Variants in PLCL1 observed in about 807,000 individuals in gnomAD.
The protein encoded by PLCL1 is inactive phospholipase C-like protein 1.
Under a neutral mutation model 84.4 loss-of-function variants are expected in PLCL1, and 41 were observed. The ratio of observed to expected loss-of-function variants is 0.49; its 90% CI spans 0.38 to 0.63. The LOEUF (loss-of-function observed/expected upper bound fraction) is 0.63, where lower values mean the gene tolerates loss of function less well. PLCL1 is among the 30% of genes least tolerant of loss of function. The pLI, the probability that PLCL1 is intolerant of heterozygous loss-of-function variation, is 0.00. For missense variants in PLCL1, 1,206 were observed against 1,367.8 expected, an observed-to-expected ratio of 0.88 and a Z score of 1.87; for synonymous variants, 490 against 488.3, an observed-to-expected ratio of 1.00 and a Z score of -0.05.
intron 5 of PLCL1, among the ~76,000 whole-genome samples, chr2:198,109,580 C>G (rs1285211898): frequency 4.0e-5 from 6 of 151,894 alleles, no homozygotes; most frequent in African/African-American, 1.4e-4. Flanking sequence ...GTGTTTCACT[C>G]ATGAGAGTTC....
At chr2:197,985,120 C>A (rs574627760) in intron 1 of PLCL1, among the ~76,000 whole-genome samples, 1 of 152,116 alleles carries the variant, frequency 6.6e-6, no homozygotes, top group Non-Finnish European at 1.5e-5. Context: ...CAGCTGAATG[C>A]TTTGGTGCAA....
At chr2:197,838,341 A>G (rs1691231758) in intron 1 of PLCL1, among the ~76,000 whole-genome samples, 1 of 152,248 alleles carries the variant, frequency 6.6e-6, no homozygotes. Flanking sequence ...AAAGAAAAAC[A>G]CTTAACCAAC....
intron 1 of PLCL1, among the ~76,000 whole-genome samples, chr2:197,850,993 G>A (rs1687225235): frequency 6.6e-6 from 1 of 152,136 alleles, no homozygotes; most frequent in African/African-American, 2.4e-5. Context: ...TCCTAAGGAA[G>A]CCTACCTGTT....
intron 1 of PLCL1, among the ~76,000 whole-genome samples, chr2:197,837,084 G>T (rs1691208125): frequency 6.6e-6 from 1 of 152,156 alleles, no homozygotes; most frequent in African/African-American, 2.4e-5. Flanking sequence ...TTCCCTGAAA[G>T]AATTTAGAGT....
At chr2:198,134,049 T>A (rs1694192791) in intron 5 of PLCL1, among the ~76,000 whole-genome samples, 1 of 152,100 alleles carries the variant, frequency 6.6e-6, no homozygotes, top group African/African-American at 2.4e-5. Context: ...GGTAAGTTGA[T>A]CAAGCCAACA....
At chr2:197,839,449 C>A (rs771095437) in intron 1 of PLCL1, among the ~76,000 whole-genome samples, 8 of 152,184 alleles carry the variant, frequency 5.3e-5, no homozygotes, top group Non-Finnish European at 1.0e-4. Context: ...AGGTCCCTCA[C>A]ATGTGCAGTT....
chr2:198,056,402 T>C (rs1692075190), intron 1 of PLCL1, among the ~76,000 whole-genome samples: 1 of 152,198 alleles, frequency 6.6e-6, no homozygotes, highest in Non-Finnish European at 1.5e-5. Context: ...TCTGGTACTA[T>C]GTAGTTTTTG....
At chr2:198,027,797 G>A (rs1691308697) in intron 1 of PLCL1, among the ~76,000 whole-genome samples, 1 of 152,030 alleles carries the variant, frequency 6.6e-6, no homozygotes, top group African/African-American at 2.4e-5. Context: ...GCTGGGGAAA[G>A]GGTAATTTGG....
chr2:198,008,749 T>C (rs1239166776), intron 1 of PLCL1, among the ~76,000 whole-genome samples: 2 of 151,992 alleles, frequency 1.3e-5, no homozygotes, highest in African/African-American at 4.8e-5. Flanking sequence ...ATATAGTAAT[T>C]CTATTTTGAA....
In PLCL1 at chr2:197,974,997, C is replaced by T. The variant is rs553754588; in HGVS notation, c.241-108761C>T. Among the ~76,000 whole-genome samples, 720 of 151,540 alleles carry T rather than the reference C, an allele frequency of 4.8e-3. 5 individuals carry two copies. The highest frequency in any genetic ancestry group is 0.016 in the African/African-American group (671 of 41,340). ...TCTACTAAAAATACAAAAAATTAGC[C>T]GGGCGCGGTGGCGGGCACCTGTAGT... On this transcript the variant is annotated intron_variant, in intron 1 of 5. Transcript: ENST00000428675.
intron 1 of PLCL1, among the ~76,000 whole-genome samples, chr2:197,878,775 A>C (rs985291753): frequency 6.6e-6 from 1 of 152,078 alleles, no homozygotes; most frequent in Non-Finnish European, 1.5e-5. Context: ...GGTCTCCAAG[A>C]TTGTGCATTA....
chr2:197,990,915 T>C (rs1241718531), intron 1 of PLCL1, among the ~76,000 whole-genome samples: 3 of 152,198 alleles, frequency 2.0e-5, no homozygotes, highest in East Asian at 3.9e-4. Context: ...GGATGTGTTA[T>C]AGAATATGGA....
At chr2:197,832,123 A>T (rs1297221775) in intron 1 of PLCL1, among the ~76,000 whole-genome samples, 1 of 152,206 alleles carries the variant, frequency 6.6e-6, no homozygotes, top group Non-Finnish European at 1.5e-5. Flanking sequence ...AACAAATTTG[A>T]AAACTAGCAG....
chr2:198,074,450 G>T (rs1162158236), intron 1 of PLCL1, among the ~76,000 whole-genome samples: 1 of 152,106 alleles, frequency 6.6e-6, no homozygotes, highest in African/African-American at 2.4e-5. Context: ...GATGATTAAA[G>T]AATATATTTG....
At chr2:198,001,030 A>T (rs1690588252) in intron 1 of PLCL1, among the ~76,000 whole-genome samples, 1 of 152,156 alleles carries the variant, frequency 6.6e-6, no homozygotes, top group African/African-American at 2.4e-5. Flanking sequence ...TCGAAGGCAG[A>T]GAGATGTGGT....
intron 3 of PLCL1, among the ~76,000 whole-genome samples, chr2:198,092,473 G>A (rs1693070385): frequency 6.6e-6 from 1 of 151,956 alleles, no homozygotes; most frequent in Non-Finnish European, 1.5e-5. Context: ...TTATTTCTTA[G>A]TGGTGAGAAC....
chr2:197,944,466 G>A (rs1242040163), intron 1 of PLCL1, among the ~76,000 whole-genome samples: 1 of 152,142 alleles, frequency 6.6e-6, no homozygotes, highest in Non-Finnish European at 1.5e-5. Context: ...TCTAGTGGGT[G>A]GTAGAGGTTA....
At chr2:198,090,668 A>G (rs1284596998) in intron 3 of PLCL1, among the ~76,000 whole-genome samples, 2 of 152,236 alleles carry the variant, frequency 1.3e-5, no homozygotes, top group Non-Finnish European at 2.9e-5. Context: ...CAACTTTTTC[A>G]TCATAAAAAT....
chr2:197,974,417 A>G (rs1216557038), intron 1 of PLCL1, among the ~76,000 whole-genome samples: 1 of 152,246 alleles, frequency 6.6e-6, no homozygotes, highest in African/African-American at 2.4e-5. Context: ...AGGAAAAAAA[A>G]GAAGCCCTCC....
Sources: allele counts gnomAD v4.1 joint callset (sites outside exome capture counted in the v4.1 genomes callset), GRCh38; gene constraint gnomAD v4.1.1; transcripts MANE v1.5; gene names NCBI Gene and HGNC (gene_info 2026-07-23, HGNC 2026-07-21).